Variants in ATP6V1C2 observed in about 807,000 individuals in gnomAD.
The protein encoded by ATP6V1C2 is ATPase H+ transporting V1 subunit C2.
A neutral mutation model predicts 56.8 loss-of-function variants in ATP6V1C2; 45 were observed. That is an observed-to-expected ratio of 0.79 (90% CI 0.62 to 1.02). The LOEUF is 1.02. ATP6V1C2 is among the 50% of genes least tolerant of loss of function. The pLI is 0.00. For synonymous variants in ATP6V1C2, 220 were observed against 201.3 expected (o/e 1.09, Z -0.79); for missense variants, 463 against 519.7 (o/e 0.89, Z 1.06).
At chr2:10,723,077 C>G in intron 2 of ATP6V1C2, 99 bp downstream of exon 2, 2 of 1,443,248 alleles carry the variant, frequency 1.4e-6, no homozygotes, top group Non-Finnish European at 1.9e-6. Context: ...GAGAAAGTAT[C>G]AAGGCAAAGC....
intron 3 of ATP6V1C2, among the ~76,000 whole-genome samples, chr2:10,744,915 C>T (rs1379303735): frequency 4.6e-5 from 7 of 151,446 alleles, no homozygotes; most frequent in Admixed American, 3.3e-4. Context: ...GTGATCTGCC[C>T]GCCTCAGCCT....
chr2:10,777,814 T>C, intron 11 of ATP6V1C2, 92 bp downstream of exon 11: 4 of 1,469,088 alleles, frequency 2.7e-6, no homozygotes, highest in Non-Finnish European at 3.6e-6. Flanking sequence ...TGCATTTTTC[T>C]GTTCTCTAAT....
chr2:10,734,211 T>C (rs1239017296), intron 3 of ATP6V1C2, among the ~76,000 whole-genome samples: 1 of 152,060 alleles, frequency 6.6e-6, no homozygotes, highest in Non-Finnish European at 1.5e-5. Context: ...ATGGCGGCTG[T>C]TCCAAGCCTC....
chr2:10,737,839 A>AC (rs1662339895), intron 3 of ATP6V1C2, among the ~76,000 whole-genome samples: 1 of 152,024 alleles, frequency 6.6e-6, no homozygotes, highest in Non-Finnish European at 1.5e-5. Flanking sequence ...GACTACAGGC[A>AC]CCCACCACCA....
intron 3 of ATP6V1C2, among the ~76,000 whole-genome samples, chr2:10,745,433 C>T (rs2148443960): frequency 6.6e-6 from 1 of 151,352 alleles, no homozygotes; most frequent in Middle Eastern, 3.4e-3. Context: ...CAACTCACTG[C>T]AACCTCCACC....
intron 3 of ATP6V1C2, among the ~76,000 whole-genome samples, chr2:10,739,908 T>C (rs1226068378): frequency 6.6e-6 from 1 of 151,954 alleles, no homozygotes; most frequent in African/African-American, 2.4e-5. Flanking sequence ...AAGACCAGCC[T>C]GGCCAACATG....
chr2:10,780,336 GC>G lies in ATP6V1C2; in HGVS notation c.1061+1671del, dbSNP rs1377472561. Among the ~76,000 whole-genome samples, 1 of 152,080 alleles carries G rather than the reference GC, an allele frequency of 6.6e-6. No homozygotes were observed. Among genetic ancestry groups the G allele is most frequent in the African/African-American group, 2.4e-5 (1 of 41,406 alleles). ...TTGCACTCTCTCTTTCACGGGTCTG[GC>G]CCCACCGGCCTGGCTGTTGCCATAA... On this transcript the variant is annotated intron_variant, in intron 12 of 13. Transcript: ENST00000272238. This position sits in a 1 kb window ranked among gnomAD's most constrained non-coding sequence, Gnocchi z 4.1.
intron 3 of ATP6V1C2, among the ~76,000 whole-genome samples, chr2:10,744,660 T>TC (rs1491255178): frequency 6.7e-6 from 1 of 148,480 alleles, no homozygotes; most frequent in Non-Finnish European, 1.5e-5. Context: ...GGTTTTTTTT[T>TC]CTCTTTTTCT....
At chr2:10,728,331 G>T (rs1661759411) in intron 3 of ATP6V1C2, among the ~76,000 whole-genome samples, 1 of 152,102 alleles carries the variant, frequency 6.6e-6, no homozygotes, top group Non-Finnish European at 1.5e-5. Context: ...TGATCCTCTT[G>T]CCTCGGCCTG....
chr2:10,779,640 C>T (rs1665223042), intron 12 of ATP6V1C2, among the ~76,000 whole-genome samples: 3 of 141,082 alleles, frequency 2.1e-5, no homozygotes, highest in South Asian at 2.3e-4. Context: ...GAGCCGAGAT[C>T]GCGTCACTGC....
At chr2:10,767,056 T>TTATAAAAAGA (rs1664268900) in intron 5 of ATP6V1C2, among the ~76,000 whole-genome samples, 1 of 152,088 alleles carries the variant, frequency 6.6e-6, no homozygotes, top group African/African-American at 2.4e-5. Flanking sequence ...AAAAGATGCA[T>TTATAAAAAGA]TTTATTAAGA....
rs115939976 is a variant in ATP6V1C2, at chr2:10,725,403, C to A, written c.130-1099C>A. ...TAAAAAACAACAACAACAAAAAAAA[C>A]AGATCATAAGTTCTCTGAAAAGAAA... On this transcript the variant is annotated intron_variant, in intron 2 of 13. Coordinates refer to ENST00000272238, the MANE Select transcript of ATP6V1C2 (RefSeq NM_001039362.2). Among the ~76,000 whole-genome samples, 813 of 147,942 alleles carry A rather than the reference C, an allele frequency of 5.5e-3. 8 individuals carry two copies. The highest frequency in any genetic ancestry group is 0.019 in the African/African-American group (769 of 40,478).
rs114529315 is a variant in ATP6V1C2, at chr2:10,780,728, G to A, written c.1062-1515G>A. Among the ~76,000 whole-genome samples the A allele has an allele frequency of 0.013, 1,900 of 151,862 alleles. 53 individuals carry two copies. Among genetic ancestry groups the A allele is most frequent in the African/African-American group, 0.044 (1,837 of 41,422 alleles). ...GCCCAAGAAAGAGGTTGAGACCGAT[G>A]GGCCAGCCGCTCCTGGGGTCCTTTT... On this transcript the variant is annotated intron_variant, in intron 12 of 13. Transcript: ENST00000272238. This position sits in a 1 kb window ranked among gnomAD's most constrained non-coding sequence, Gnocchi z 4.1.
intron 8 of ATP6V1C2, among the ~76,000 whole-genome samples, chr2:10,772,859 G>A (rs994672721): frequency 1.7e-4 from 13 of 78,020 alleles, no homozygotes; most frequent in Non-Finnish European, 2.3e-4. Flanking sequence ...CCACCTGGCC[G>A]AGCAGCCTCT....
At chr2:10,771,383 G>A (rs541681909) in intron 6 of ATP6V1C2, among the ~76,000 whole-genome samples, 234 of 152,326 alleles carry the variant, frequency 1.5e-3, no homozygotes, top group African/African-American at 5.4e-3. Flanking sequence ...CCTGGGTGCT[G>A]GGCTGGGAGG....
intron 3 of ATP6V1C2, among the ~76,000 whole-genome samples, chr2:10,732,688 G>T (rs1195215284): frequency 3.3e-5 from 5 of 152,056 alleles, no homozygotes; most frequent in African/African-American, 4.8e-5. Context: ...AAAAAGAAAT[G>T]AAGGCCAGGC....
At chr2:10,759,143 G>T (rs1198859) in intron 4 of ATP6V1C2, among the ~76,000 whole-genome samples, 2 of 151,992 alleles carry the variant, frequency 1.3e-5, no homozygotes, top group African/African-American at 4.8e-5. Flanking sequence ...GCCTGCAGCC[G>T]GTCAGACCTG....
chr2:10,771,753 C>T, intron 6 of ATP6V1C2, 86 bp from the exon 7 acceptor site: 1 of 1,012,354 alleles, frequency 9.9e-7, no homozygotes, highest in Non-Finnish European at 1.6e-6. Context: ...AGAACTGCCC[C>T]CAGTGCCCGG....
chr2:10,758,195 A>C (rs1663666154), intron 4 of ATP6V1C2, among the ~76,000 whole-genome samples: 2 of 152,206 alleles, frequency 1.3e-5, no homozygotes, highest in African/African-American at 4.8e-5. Flanking sequence ...CAGGTAGAGA[A>C]CTACTTTTCT....
Sources: allele counts gnomAD v4.1 joint callset (sites outside exome capture counted in the v4.1 genomes callset), GRCh38; gene constraint gnomAD v4.1.1; non-coding constraint Gnocchi (gnomAD v3.1); transcripts MANE v1.5; gene names NCBI Gene and HGNC (gene_info 2026-07-23, HGNC 2026-07-21).